SORT1: variants seen among roughly 807,000 people sequenced by gnomAD.
SORT1 encodes sortilin 1.
SORT1 carries 39 observed loss-of-function variants against 101.7 expected under a neutral mutation model. The ratio of observed to expected loss-of-function variants is 0.38; its 90% confidence interval spans 0.30 to 0.50. SORT1 has a LOEUF of 0.50. SORT1 is among the 20% of genes least tolerant of loss of function. The pLI, the probability that SORT1 is intolerant of heterozygous loss-of-function variation, is 0.90. For synonymous variants in SORT1, 396 were observed against 393.7 expected, an observed-to-expected ratio of 1.01 and a Z score of -0.07; for missense variants, 878 against 1,040.4, an observed-to-expected ratio of 0.84 and a Z score of 2.15.
intron 15 of SORT1, 48 bp from the exon 16 acceptor site, chr1:109,318,017 G>A (rs762049797): frequency 2.5e-5 from 30 of 1,180,428 alleles, no homozygotes; most frequent in Non-Finnish European, 3.2e-5. Flanking sequence ...CTGGAAGACC[G>A]TTAAGTGACT....
intron 3 of SORT1, among the ~76,000 whole-genome samples, chr1:109,364,898 T>C (rs1650976750): frequency 6.6e-6 from 1 of 152,176 alleles, no homozygotes; most frequent in African/African-American, 2.4e-5. Flanking sequence ...TTATTGTCCT[T>C]TTACAGATGA....
chr1:109,315,337 T>C (rs578014168), intron 17 of SORT1, among the ~76,000 whole-genome samples: 1 of 152,186 alleles, frequency 6.6e-6, no homozygotes, highest in African/African-American at 2.4e-5. Context: ...GTGTTTTCAA[T>C]GTATCCCAGA....
intron 17 of SORT1, among the ~76,000 whole-genome samples, chr1:109,315,693 C>T (rs981429273): frequency 1.1e-4 from 17 of 151,152 alleles, no homozygotes; most frequent in African/African-American, 3.9e-4. Flanking sequence ...CCTCTTTACA[C>T]ATCTCCAGTT....
At chr1:109,332,803 T>C (rs1648548598) in intron 11 of SORT1, among the ~76,000 whole-genome samples, 1 of 152,098 alleles carries the variant, frequency 6.6e-6, no homozygotes, top group Admixed American at 6.5e-5. Flanking sequence ...CAGAAATAAA[T>C]CTATGCATTT....
intron 19 of SORT1, 36 bp from the exon 20 acceptor site, chr1:109,314,093 C>T: frequency 6.2e-7 from 1 of 1,613,808 alleles, no homozygotes; most frequent in Non-Finnish European, 8.5e-7. Flanking sequence ...CGACAGACCA[C>T]AACACTCCTA....
chr1:109,346,839 T>G (rs1446400732), intron 7 of SORT1, among the ~76,000 whole-genome samples: 2 of 152,150 alleles, frequency 1.3e-5, no homozygotes, highest in African/African-American at 4.8e-5. Context: ...TGTCTTGAGT[T>G]TTCTTTTCTT....
At chr1:109,331,657 T>C (rs913640241) in intron 11 of SORT1, among the ~76,000 whole-genome samples, 1 of 152,118 alleles carries the variant, frequency 6.6e-6, no homozygotes, top group Admixed American at 6.5e-5. Context: ...CTGTTCATTA[T>C]AGTAATGGAA....
intron 1 of SORT1, among the ~76,000 whole-genome samples, chr1:109,371,614 G>A (rs112198513): frequency 4.3e-4 from 65 of 152,262 alleles, no homozygotes; most frequent in African/African-American, 1.4e-3. Context: ...CTACACAGCC[G>A]ACCCAGTCAA....
At position 109,355,348 on chromosome 1, in the gene SORT1, A is replaced by G; in HGVS notation, c.543+19T>C. ...GTGGTATCAAGCACAAGCTTTATGT[A>G]TACAAGAATGAGTCTCACCTTTCCA... On this transcript the variant is annotated intron_variant, in intron 4 of 19. Coordinates refer to ENST00000256637, the MANE Select transcript of SORT1 (RefSeq NM_002959.7). 1 of 1,262,530 alleles carries G rather than the reference A, an allele frequency of 7.9e-7. No individual in the cohort carries two copies. The highest frequency in any genetic ancestry group is 1.2e-6 in the Non-Finnish European group (1 of 858,606). 78.2% of individuals were successfully genotyped at this position (1,262,530 alleles called of 1,614,324 possible). A position where few individuals can be genotyped will look rare whatever the true frequency, so the allele number is the denominator to read the frequency against.
At chr1:109,344,610 A>C (rs1649458736) in intron 8 of SORT1, among the ~76,000 whole-genome samples, 1 of 152,226 alleles carries the variant, frequency 6.6e-6, no homozygotes, top group South Asian at 2.1e-4. Flanking sequence ...CAGTCTGTCT[A>C]AAAGAGCACT....
At position 109,359,083 on chromosome 1, in the gene SORT1, A is replaced by T. The variant is rs560154020; in HGVS notation, c.441-3614T>A. On this transcript the variant is annotated intron_variant, in intron 3 of 19. Coordinates refer to ENST00000256637, the MANE Select transcript of SORT1 (RefSeq NM_002959.7). ...GAATATTATAAACTGGGTGGCTTAT[A>T]AACAGCAGAAATTCATTTCTCACTG... 2.6e-5 allele frequency among the ~76,000 whole-genome samples: 4 copies of T among 152,290 alleles called. No homozygotes were observed. In the East Asian group the frequency reaches 5.8e-4, roughly 22 times the overall value.
intron 14 of SORT1, 62 bp from the exon 15 acceptor site, chr1:109,323,183 C>A: frequency 8.5e-7 from 1 of 1,181,512 alleles, no homozygotes; most frequent in Non-Finnish European, 1.2e-6. Context: ...CGGGAGGCAG[C>A]TGCCAGGCTA....
At chr1:109,363,998 T>A (rs1253301177) in intron 3 of SORT1, among the ~76,000 whole-genome samples, 1 of 152,160 alleles carries the variant, frequency 6.6e-6, no homozygotes, top group East Asian at 1.9e-4. Flanking sequence ...CCGCCTAAAC[T>A]CTGGAAGTGG....
At chr1:109,352,648 TCC>T (rs1650042453) in intron 5 of SORT1, among the ~76,000 whole-genome samples, 1 of 152,210 alleles carries the variant, frequency 6.6e-6, no homozygotes, top group Non-Finnish European at 1.5e-5. Flanking sequence ...AATACTCACA[TCC>T]TAGCATTTCT....
Position 109,324,477 on chromosome 1 carries a change from G to T in SORT1, c.1834+422C>A, listed in dbSNP as rs1298960259. 2.0e-5 allele frequency among the ~76,000 whole-genome samples: 3 copies of T among 152,152 alleles called. No homozygotes were observed. In the East Asian group the frequency reaches 5.8e-4, roughly 29 times the overall value. ...AGCATAATGCCAGCATCTTTGTTTG[G>T]CAGTGAGGTTAGGGTTTGCTTGTGA... On this transcript the variant is annotated intron_variant, in intron 14 of 19. Coordinates refer to ENST00000256637, the MANE Select transcript of SORT1 (RefSeq NM_002959.7).
intron 17 of SORT1, among the ~76,000 whole-genome samples, chr1:109,315,440 G>A (rs1007885821): frequency 4.6e-5 from 7 of 151,964 alleles, no homozygotes; most frequent in Non-Finnish European, 1.0e-4. Flanking sequence ...GAGTCACCAG[G>A]AGCCCAGGAC....
Position 109,341,995 on chromosome 1 carries a change from G to T in SORT1, c.1108+19C>A. 1 of 1,607,984 alleles carries T rather than the reference G, an allele frequency of 6.2e-7. No individual in the cohort carries two copies. ...TACATCTCTATGCTTTTAAGGGTAA[G>T]CCACTAAAAAGCTCTTACCTCCAGG... On this transcript the variant is annotated intron_variant, in intron 9 of 19. Coordinates refer to ENST00000256637, the MANE Select transcript of SORT1 (RefSeq NM_002959.7).
chr1:109,381,314 G>A (rs975455185), intron 1 of SORT1, among the ~76,000 whole-genome samples: 1 of 152,006 alleles, frequency 6.6e-6, no homozygotes, highest in African/African-American at 2.4e-5. Context: ...AACCCCATGA[G>A]ATATTACTAT....
At chr1:109,378,807 GT>G (rs1652041377) in intron 1 of SORT1, among the ~76,000 whole-genome samples, 1 of 139,968 alleles carries the variant, frequency 7.1e-6, no homozygotes, top group Non-Finnish European at 1.5e-5. Flanking sequence ...CAAATGGAGA[GT>G]GTGGGGAGAA....
Sources: allele counts gnomAD v4.1 joint callset (sites outside exome capture counted in the v4.1 genomes callset), GRCh38; gene constraint gnomAD v4.1.1; transcripts MANE v1.5; gene names NCBI Gene and HGNC (gene_info 2026-07-23, HGNC 2026-07-21).